Variants in AGAP1 observed in about 807,000 individuals in gnomAD.
AGAP1 encodes arf-GAP with GTPase, ANK repeat and PH domain-containing protein 1.
AGAP1 carries 29 observed loss-of-function variants against 105.3 expected under a neutral mutation model. That is an observed-to-expected ratio of 0.28 (90% CI 0.21 to 0.38). The LOEUF (loss-of-function observed/expected upper bound fraction) is 0.38. Among genes scored for constraint, AGAP1 ranks in the 10% least tolerant of loss-of-function variants. The pLI is 1.00. For synonymous variants in AGAP1, 509 were observed against 485.9 expected, an observed-to-expected ratio of 1.05 and a Z score of -0.63; for missense variants, 998 against 1,165.1, an observed-to-expected ratio of 0.86 and a Z score of 2.09.
chr2:235,576,035 A>G (rs531304001), intron 1 of AGAP1, among the ~76,000 whole-genome samples: 112 of 152,290 alleles, frequency 7.4e-4, no homozygotes, highest in African/African-American at 2.5e-3. Context: ...TCTGGGTGTC[A>G]CTGTCCGTGC....
rs1174060657 is a variant in AGAP1 at position 236,020,900 on chromosome 2, T to G, written c.1646-15661T>G. Among the ~76,000 whole-genome samples, 1 of 152,078 alleles carries G rather than the reference T, an allele frequency of 6.6e-6. No individual in the cohort carries two copies. Among genetic ancestry groups the G allele is most frequent in the Non-Finnish European group, 1.5e-5 (1 of 68,008 alleles). On this transcript the variant is annotated intron_variant, in intron 13 of 17. Coordinates refer to ENST00000304032, the MANE Select transcript of AGAP1 (RefSeq NM_001037131.3). The surrounding 1 kb of genome is among the most constrained non-coding windows in gnomAD (Gnocchi z 5.0). The stretch of plus-strand genomic sequence containing the variant: ...ATGCAGGTAGGCCGGGCACAGTGGC[T>G]CACACCTATAATCCCAGCACTTTGG...
rs1165387689 is a variant in AGAP1, at chr2:235,988,360, G to T, written c.1645+19737G>T. 1.3e-5 allele frequency among the ~76,000 whole-genome samples: 2 copies of T among 152,096 alleles called. No individual in the cohort carries two copies. The highest frequency in any genetic ancestry group is 4.8e-5 in the African/African-American group (2 of 41,416). On this transcript the variant is annotated intron_variant, in intron 13 of 17. Coordinates refer to ENST00000304032, the MANE Select transcript of AGAP1 (RefSeq NM_001037131.3). The surrounding 1 kb of genome is among the most constrained non-coding windows in gnomAD (Gnocchi z 4.7). ...GCCTGGCCTAAAACTCCTTTTGATT[G>T]GTGCGTGGGTGACAATGGATTCCCT...
intron 3 of AGAP1, among the ~76,000 whole-genome samples, chr2:235,727,179 G>A (rs949863836): frequency 6.0e-4 from 91 of 152,270 alleles, no homozygotes; most frequent in African/African-American, 1.9e-3. Flanking sequence ...CTGTCCCTTC[G>A]GGTGGGGAGA....
chr2:235,933,536 A>ATTTT lies in AGAP1; in HGVS notation c.1483+2625_1483+2628dup, dbSNP rs71036300. ...TGGTTGATTCCTGTATTTTCTAAGG[A>ATTTT]TTTTTTTTTTTTTTTGAGATGGAGT... On this transcript the variant is annotated intron_variant, in intron 12 of 17. Coordinates refer to ENST00000304032, the MANE Select transcript of AGAP1 (RefSeq NM_001037131.3). 8.6e-3 allele frequency among the ~76,000 whole-genome samples: 1,217 copies of ATTTT among 141,988 alleles called. 19 individuals are homozygous for ATTTT. The highest frequency in any genetic ancestry group is 0.011 in the Admixed American group (162 of 14,108). The allele number at this position is 141,988 out of a possible 152,430, so 93.1% of individuals were successfully genotyped here.
intron 8 of AGAP1, among the ~76,000 whole-genome samples, chr2:235,804,273 A>G (rs937373968): frequency 6.6e-6 from 1 of 152,194 alleles, no homozygotes; most frequent in African/African-American, 2.4e-5. Flanking sequence ...TTCAAGCTTT[A>G]TAATAACGAT....
In AGAP1 at chr2:236,076,595, T is replaced by C. The variant is rs1576242846; in HGVS notation, c.2114+27314T>C. Among the ~76,000 whole-genome samples, 1 of 152,204 alleles carries C rather than the reference T, an allele frequency of 6.6e-6. No homozygotes were observed. The highest frequency in any genetic ancestry group is 2.4e-5 in the African/African-American group (1 of 41,456). On this transcript the variant is annotated intron_variant, in intron 16 of 17. Transcript: ENST00000304032. The surrounding 1 kb of genome is among the most constrained non-coding windows in gnomAD (Gnocchi z 4.4). ...CACAGTATACTCCTAGAAATTTTAA[T>C]CTCAGAGAATGATGATAGATGTTTC...
rs2060077888 is a variant in AGAP1 at position 236,131,198 on chromosome 2, G to C, written c.*7076G>C. ...TCTCAGCCCCGAGCACCTGAGCGCT[G>C]GGGAGGCCCTTATTGAGCTCAGCCT... On this transcript the variant is annotated 3_prime_UTR_variant, in exon 18 of 18. Coordinates refer to ENST00000304032, the MANE Select transcript of AGAP1 (RefSeq NM_001037131.3). The surrounding 1 kb of genome is among the most constrained non-coding windows in gnomAD (Gnocchi z 5.9). The C allele has an allele frequency of 6.6e-6, 1 of 152,216 alleles. No individual in the cohort carries two copies. 9.4% of individuals were successfully genotyped at this position (152,216 alleles called of 1,614,324 possible).
chr2:235,883,554 G>C lies in AGAP1; in HGVS notation c.1155+105G>C. The C allele has an allele frequency of 1.1e-6, 1 of 922,636 alleles. No individual in the cohort carries two copies. The highest frequency in any genetic ancestry group is 1.7e-6 in the Non-Finnish European group (1 of 590,738). 57.2% of individuals were successfully genotyped at this position (922,636 alleles called of 1,614,324 possible). On this transcript the variant is annotated intron_variant, in intron 10 of 17. Transcript: ENST00000304032. This position sits in a 1 kb window ranked among gnomAD's most constrained non-coding sequence, Gnocchi z 4.5. ...CCAGCCTCTTGTCTCTGTTTGAAGTGAAAGTCGTATTTGGTCTCCTGCTCA... is the reference window on the plus strand; with the variant it reads ...CCAGCCTCTTGTCTCTGTTTGAAGTCAAAGTCGTATTTGGTCTCCTGCTCA...
At chr2:236,070,559 A>G (rs2058469160) in intron 16 of AGAP1, among the ~76,000 whole-genome samples, 1 of 152,280 alleles carries the variant, frequency 6.6e-6, no homozygotes, top group South Asian at 2.1e-4. Flanking sequence ...TCTATCCACC[A>G]ATGAATGCAT....
Position 235,589,782 on chromosome 2 carries a change from G to C in AGAP1, c.163+94933G>C, listed in dbSNP as rs147229825. Among the ~76,000 whole-genome samples the C allele has an allele frequency of 4.1e-4, 62 of 152,210 alleles. 1 individual carries two copies. The East Asian group carries it at 0.012, about 29-fold the overall frequency. Reference sequence around the variant, plus strand: ...TGTGTAGCCAGGAGAGCACGGCCAGGACTCACTCTGAGTTGGGGTAGCCAG... The same window carrying C: ...TGTGTAGCCAGGAGAGCACGGCCAGCACTCACTCTGAGTTGGGGTAGCCAG... On this transcript the variant is annotated intron_variant, in intron 1 of 17. Coordinates refer to ENST00000304032, the MANE Select transcript of AGAP1 (RefSeq NM_001037131.3).
In AGAP1 at chr2:235,612,204, G is replaced by T. The variant is rs758153567; in HGVS notation, c.164-96975G>T. ...CAGGTAACCTGCTGCTTGGGTGTAC[G>T]CTGGGCGGGTTCGCAGTGCTGGAAG... On this transcript the variant is annotated intron_variant, in intron 1 of 17. Coordinates refer to ENST00000304032, the MANE Select transcript of AGAP1 (RefSeq NM_001037131.3). The surrounding 1 kb of genome is among the most constrained non-coding windows in gnomAD (Gnocchi z 4.3). Among the ~76,000 whole-genome samples the T allele has an allele frequency of 1.7e-4, 26 of 152,130 alleles. No individual in the cohort carries two copies. The highest frequency in any genetic ancestry group is 3.4e-4 in the African/African-American group (14 of 41,406).
At position 235,967,337 on chromosome 2, in the gene AGAP1, C is replaced by T. The variant is rs1028369040; in HGVS notation, c.1484-1125C>T. Among the ~76,000 whole-genome samples, 3 of 152,180 alleles carry T rather than the reference C, an allele frequency of 2.0e-5. No individual in the cohort carries two copies. The highest frequency in any genetic ancestry group is 2.9e-5 in the Non-Finnish European group (2 of 68,036). ...TTTAAATGACACCCCCCATCACTGC[C>T]GCCTCTCCCCAGCCTCCCAGCCTTG... On this transcript the variant is annotated intron_variant, in intron 12 of 17. Transcript: ENST00000304032. The surrounding 1 kb of genome is among the most constrained non-coding windows in gnomAD (Gnocchi z 4.7).
rs1407023138 is a variant in AGAP1, at chr2:235,936,012, C to T, written c.1483+5089C>T. On this transcript the variant is annotated intron_variant, in intron 12 of 17. Transcript: ENST00000304032. The surrounding 1 kb of genome is among the most constrained non-coding windows in gnomAD (Gnocchi z 4.7). ...CGCTGGCTCCTGCCTGGGCCAGCCT[C>T]GTCGGGTGGTCTCAGCTAATGCTGT... Among the ~76,000 whole-genome samples, 2 of 152,304 alleles carry T rather than the reference C, an allele frequency of 1.3e-5. No individual in the cohort carries two copies. Among genetic ancestry groups the T allele is most frequent in the East Asian group, 1.9e-4 (1 of 5,168 alleles).
In AGAP1 at chr2:235,788,483, G is replaced by T. The variant is rs1216797667; in HGVS notation, c.674-9276G>T. Among the ~76,000 whole-genome samples the T allele has an allele frequency of 1.3e-5, 2 of 151,876 alleles. No homozygotes were observed. The highest frequency in any genetic ancestry group is 1.3e-4 in the Admixed American group (2 of 15,250). On this transcript the variant is annotated intron_variant, in intron 6 of 17. Coordinates refer to ENST00000304032, the MANE Select transcript of AGAP1 (RefSeq NM_001037131.3). This position sits in a 1 kb window ranked among gnomAD's most constrained non-coding sequence, Gnocchi z 6.0. ...TGCTGAGGGAAGGTGAGGCAGGGTG[G>T]GGAGAGGAGTGGGAGGGTAGGTGAG...
intron 9 of AGAP1, among the ~76,000 whole-genome samples, chr2:235,820,421 G>C (rs1159920056): frequency 1.3e-5 from 2 of 152,130 alleles, no homozygotes; most frequent in African/African-American, 4.8e-5. Context: ...AATAATTTCA[G>C]AAAACTGGTT....
At chr2:235,643,491 T>A (rs1199951867) in intron 1 of AGAP1, among the ~76,000 whole-genome samples, 1 of 149,362 alleles carries the variant, frequency 6.7e-6, no homozygotes, top group African/African-American at 2.5e-5. Context: ...TTAAAAATTT[T>A]CCACACATTA....
Position 235,961,074 on chromosome 2 carries a change from G to A in AGAP1, c.1484-7388G>A, listed in dbSNP as rs970862449. 2.0e-5 allele frequency among the ~76,000 whole-genome samples: 3 copies of A among 152,216 alleles called. No individual in the cohort carries two copies. Among genetic ancestry groups the A allele is most frequent in the Non-Finnish European group, 2.9e-5 (2 of 68,006 alleles). On this transcript the variant is annotated intron_variant, in intron 12 of 17. Transcript: ENST00000304032. This position sits in a 1 kb window ranked among gnomAD's most constrained non-coding sequence, Gnocchi z 5.9. ...CTCATCCTGAATCTGTTTCAGGAAGGATGTGTGCTGGTGAAGAGGATGAGC... is the reference window on the plus strand; with the variant it reads ...CTCATCCTGAATCTGTTTCAGGAAGAATGTGTGCTGGTGAAGAGGATGAGC...
chr2:235,497,442 A>G (rs1321425016), intron 1 of AGAP1, among the ~76,000 whole-genome samples: 1 of 152,248 alleles, frequency 6.6e-6, no homozygotes, highest in Non-Finnish European at 1.5e-5. Context: ...GGTGCACATC[A>G]TAACAAATGG....
Position 235,934,109 on chromosome 2 carries a change from GAGCAGC to G in AGAP1, c.1483+3199_1483+3204del, listed in dbSNP as rs928095641. 6.6e-6 allele frequency among the ~76,000 whole-genome samples: 1 copy of G among 152,084 alleles called. No individual in the cohort carries two copies. The highest frequency in any genetic ancestry group is 1.5e-5 in the Non-Finnish European group (1 of 68,014). ...ACTGCATGTCAAGGTGTGCCTCCAG[GAGCAGC>G]AGCAGCAGCAGCCCCTGGGAACTGC... On this transcript the variant is annotated intron_variant, in intron 12 of 17. Transcript: ENST00000304032. The surrounding 1 kb of genome is among the most constrained non-coding windows in gnomAD (Gnocchi z 4.9).
Sources: allele counts gnomAD v4.1 joint callset (sites outside exome capture counted in the v4.1 genomes callset), GRCh38; gene constraint gnomAD v4.1.1; non-coding constraint Gnocchi (gnomAD v3.1); transcripts MANE v1.5; gene names NCBI Gene and HGNC (gene_info 2026-07-23, HGNC 2026-07-21).